Variants in OPCML observed in about 807,000 individuals in gnomAD.
OPCML encodes opioid binding protein/cell adhesion molecule like.
Under a neutral mutation model 37.8 loss-of-function variants are expected in OPCML, and 13 were observed. The observed-to-expected ratio is 0.34, with a 90% CI of 0.22 to 0.55. The LOEUF is 0.55. Ranked by LOEUF, OPCML falls within the 20% of genes least tolerant of loss-of-function variation. OPCML has a pLI of 0.91. For synonymous variants in OPCML, 176 were observed against 168.8 expected, an observed-to-expected ratio of 1.04 and a Z score of -0.33; for missense variants, 341 against 435.6, an observed-to-expected ratio of 0.78 and a Z score of 1.93.
chr11:132,795,484 C>T (rs1193918276), intron 2 of OPCML, among the ~76,000 whole-genome samples: 1 of 152,206 alleles, frequency 6.6e-6, no homozygotes, highest in Non-Finnish European at 1.5e-5. Flanking sequence ...AGTGAAATCT[C>T]ATGCCATTGG....
At chr11:133,027,486 TGTGTTG>T (rs938021477) in intron 1 of OPCML, among the ~76,000 whole-genome samples, 60 of 145,732 alleles carry the variant, frequency 4.1e-4, no homozygotes, top group East Asian at 1.2e-3. Context: ...TGTGTGTGTG[TGTGTTG>T]TGTGTGTGTG....
intron 1 of OPCML, among the ~76,000 whole-genome samples, chr11:133,520,661 C>T (rs1848783347): frequency 6.6e-6 from 1 of 152,190 alleles, no homozygotes. Flanking sequence ...TGCAGCCAAA[C>T]ACCATTCCCG....
intron 2 of OPCML, among the ~76,000 whole-genome samples, chr11:132,701,894 T>C (rs184542757): frequency 6.6e-6 from 1 of 152,202 alleles, no homozygotes; most frequent in Admixed American, 6.6e-5. Flanking sequence ...AAACATCTTG[T>C]AGTTATAACC....
At chr11:132,987,877 G>T (rs1248691091) in intron 1 of OPCML, among the ~76,000 whole-genome samples, 2 of 152,138 alleles carry the variant, frequency 1.3e-5, no homozygotes, top group Admixed American at 6.5e-5. Flanking sequence ...CACTCAGAGG[G>T]TTATCATTTC....
chr11:132,610,067 T>G lies in OPCML; in HGVS notation c.379+47020A>C, dbSNP rs1212108445. ...CAAATAAATTTAGCAAGGAAAATGC[T>G]AAATCAGCTCTGTGTAAATCAAGCA... On this transcript the variant is annotated intron_variant, in intron 3 of 7. Coordinates refer to ENST00000524381, the MANE Select transcript of OPCML (RefSeq NM_001012393.5). Among the ~76,000 whole-genome samples the G allele has an allele frequency of 1.3e-5, 2 of 152,244 alleles. 1 individual carries two copies. The highest frequency in any genetic ancestry group is 1.3e-4 in the Admixed American group (2 of 15,284).
At chr11:133,065,680 G>C (rs1190133464) in intron 1 of OPCML, 1 of 152,304 alleles carries the variant, frequency 6.6e-6, no homozygotes, top group Non-Finnish European at 1.5e-5. Flanking sequence ...CCTTGCCCTG[G>C]GATATCTCCT....
intron 4 of OPCML, among the ~76,000 whole-genome samples, chr11:132,441,160 T>TTTTTG (rs1446390317): frequency 9.9e-6 from 1 of 101,212 alleles, no homozygotes; most frequent in Non-Finnish European, 1.8e-5. Flanking sequence ...ACCAAGGACT[T>TTTTTG]TTTTGTTTTT....
intron 1 of OPCML, among the ~76,000 whole-genome samples, chr11:132,964,560 C>T (rs1031219921): frequency 2.6e-5 from 4 of 152,108 alleles, no homozygotes; most frequent in Non-Finnish European, 4.4e-5. Flanking sequence ...TGTCTAGAAA[C>T]GTTTGTTAAG....
At chr11:132,601,709 A>C (rs1479296740) in intron 3 of OPCML, among the ~76,000 whole-genome samples, 1 of 152,160 alleles carries the variant, frequency 6.6e-6, no homozygotes. Flanking sequence ...AGACCTTCCT[A>C]GCACCCATCT....
intron 1 of OPCML, among the ~76,000 whole-genome samples, chr11:133,457,547 C>G (rs987418304): frequency 6.0e-5 from 9 of 151,232 alleles, no homozygotes; most frequent in Non-Finnish European, 1.3e-4. Context: ...TCTATGGCCT[C>G]TTTTTATTTT....
chr11:133,112,172 C>G (rs980635850), intron 1 of OPCML, among the ~76,000 whole-genome samples: 6 of 150,112 alleles, frequency 4.0e-5, no homozygotes, highest in African/African-American at 1.5e-4. Flanking sequence ...CTATATTAAT[C>G]TTGGGAGTAT....
intron 1 of OPCML, among the ~76,000 whole-genome samples, chr11:133,524,631 C>T (rs570497087): frequency 1.3e-5 from 2 of 152,238 alleles, no homozygotes; most frequent in African/African-American, 2.4e-5. Flanking sequence ...CACTCTCAGG[C>T]GTGTCTGTCG....
In OPCML at chr11:132,716,931, C is replaced by T. The variant is rs1944516306; in HGVS notation, c.147-59612G>A. ...TCCCAATAGAAAAATGGATATAGTA[C>T]ATGAATAAAACTTTACAAAAAGAAG... On this transcript the variant is annotated intron_variant, in intron 2 of 7. Transcript: ENST00000524381. Among the ~76,000 whole-genome samples, 4 of 152,114 alleles carry T rather than the reference C, an allele frequency of 2.6e-5. No homozygotes were observed. The South Asian group carries it at 8.3e-4, about 32-fold the overall frequency.
intron 1 of OPCML, among the ~76,000 whole-genome samples, chr11:132,947,983 G>C (rs1023477173): frequency 2.0e-5 from 3 of 152,266 alleles, no homozygotes; most frequent in Non-Finnish European, 4.4e-5. Flanking sequence ...AAAAGTTTCA[G>C]CTTTTGGATT....
At chr11:132,735,176 T>C (rs1042633565) in intron 2 of OPCML, among the ~76,000 whole-genome samples, 5 of 152,128 alleles carry the variant, frequency 3.3e-5, no homozygotes, top group African/African-American at 1.2e-4. Context: ...GATAGTAAAA[T>C]TTTAAAAAAT....
chr11:132,940,460 G>A (rs535276288), intron 2 of OPCML, among the ~76,000 whole-genome samples: 1 of 152,342 alleles, frequency 6.6e-6, no homozygotes, highest in Non-Finnish European at 1.5e-5. Context: ...CCTAATGAAT[G>A]TCTTTAAGGA....
chr11:133,518,289 T>G (rs1240017611), intron 1 of OPCML, among the ~76,000 whole-genome samples: 1 of 140,938 alleles, frequency 7.1e-6, no homozygotes, highest in East Asian at 2.1e-4. Flanking sequence ...AAGCAAAGTA[T>G]GTATGTGTGT....
chr11:132,922,888 G>C (rs1591806985), intron 2 of OPCML, among the ~76,000 whole-genome samples: 1 of 151,922 alleles, frequency 6.6e-6, no homozygotes, highest in South Asian at 2.1e-4. Flanking sequence ...TAGCAACGCA[G>C]GGAGACCACA....
At chr11:133,509,130 G>A (rs1483636101) in intron 1 of OPCML, among the ~76,000 whole-genome samples, 3 of 152,098 alleles carry the variant, frequency 2.0e-5, no homozygotes, top group Non-Finnish European at 4.4e-5. Flanking sequence ...ATTGGTAAAC[G>A]TGTATCATGG....
Sources: gnomAD v4.1 joint callset for allele counts (sites outside exome capture counted in the v4.1 genomes callset) on GRCh38, gnomAD v4.1.1 for gene constraint, MANE v1.5 for transcripts, NCBI Gene and HGNC (gene_info 2026-07-23, HGNC 2026-07-21) for gene names.